COG5: variants seen among roughly 807,000 people sequenced by gnomAD.
COG5 encodes the protein conserved oligomeric Golgi complex subunit 5.
Under a neutral mutation model 110.4 loss-of-function variants are expected in COG5, and 86 were observed. That is an observed-to-expected ratio of 0.78 (90% confidence interval 0.65 to 0.93). The LOEUF is 0.93. Ranked by LOEUF, COG5 falls within the 40% of genes least tolerant of loss-of-function variation. The pLI, the probability that COG5 is intolerant of heterozygous loss-of-function variation, is 0.00. For synonymous variants in COG5, 360 were observed against 334.6 expected (o/e 1.08, Z -0.83); for missense variants, 1,077 against 987.0 (o/e 1.09, Z -1.22).
intron 16 of COG5, among the ~76,000 whole-genome samples, chr7:107,249,230 T>C (rs1310655821): frequency 6.6e-6 from 1 of 152,088 alleles, no homozygotes; most frequent in African/African-American, 2.4e-5. Flanking sequence ...CAGGAAACAT[T>C]TGGTATTGCT....
At chr7:107,375,406 G>A (rs1409386084) in intron 7 of COG5, among the ~76,000 whole-genome samples, 2 of 151,940 alleles carry the variant, frequency 1.3e-5, no homozygotes, top group African/African-American at 2.4e-5. Flanking sequence ...AATCATATTA[G>A]TACACTTAGA....
At chr7:107,336,172 A>G (rs1810681776) in intron 10 of COG5, among the ~76,000 whole-genome samples, 1 of 152,220 alleles carries the variant, frequency 6.6e-6, no homozygotes, top group Admixed American at 6.5e-5. Flanking sequence ...CCATCAAGGG[A>G]TAAATAAAAT....
chr7:107,401,890 G>C (rs1182078751), intron 7 of COG5, among the ~76,000 whole-genome samples: 3 of 152,138 alleles, frequency 2.0e-5, no homozygotes, highest in Non-Finnish European at 2.9e-5. Context: ...AACTACAAAA[G>C]GAATCACTGT....
At chr7:107,258,927 A>G (rs1027151649) in intron 14 of COG5, among the ~76,000 whole-genome samples, 8 of 152,108 alleles carry the variant, frequency 5.3e-5, no homozygotes, top group African/African-American at 1.9e-4. Flanking sequence ...ATCCTAATAC[A>G]CTAATGAAAT....
intron 12 of COG5, among the ~76,000 whole-genome samples, chr7:107,294,615 C>G (rs1427866351): frequency 6.6e-6 from 1 of 151,930 alleles, no homozygotes; most frequent in Non-Finnish European, 1.5e-5. Context: ...TTCCTTTCCT[C>G]TCTGATCCAA....
At chr7:107,427,412 T>C (rs1793714230) in intron 6 of COG5, among the ~76,000 whole-genome samples, 1 of 152,150 alleles carries the variant, frequency 6.6e-6, no homozygotes, top group Admixed American at 6.5e-5. Flanking sequence ...ACAAATTATT[T>C]CACAACTTGA....
At chr7:107,393,043 T>C (rs1026814786) in intron 7 of COG5, among the ~76,000 whole-genome samples, 1 of 152,226 alleles carries the variant, frequency 6.6e-6, no homozygotes, top group African/African-American at 2.4e-5. Context: ...AATCAACTTC[T>C]TGCCTCGCAT....
chr7:107,512,242 T>C (rs1799573383), intron 6 of COG5, among the ~76,000 whole-genome samples: 4 of 152,180 alleles, frequency 2.6e-5, no homozygotes, highest in Admixed American at 2.6e-4. Flanking sequence ...AGCATCCTTA[T>C]ACACCAATAA....
At chr7:107,379,709 T>C (rs1442311982) in intron 7 of COG5, among the ~76,000 whole-genome samples, 1 of 151,686 alleles carries the variant, frequency 6.6e-6, no homozygotes, top group Non-Finnish European at 1.5e-5. Context: ...GGTAAAGGGA[T>C]TAATGCAACA....
intron 7 of COG5, among the ~76,000 whole-genome samples, chr7:107,410,649 T>C (rs1408677287): frequency 6.6e-6 from 1 of 152,024 alleles, no homozygotes; most frequent in Admixed American, 6.6e-5. Context: ...TCCATGTTGG[T>C]TAGGCTGGTC....
chr7:107,279,932 C>G (rs770449493), intron 14 of COG5, among the ~76,000 whole-genome samples: 16 of 152,104 alleles, frequency 1.1e-4, no homozygotes, highest in African/African-American at 2.2e-4. Flanking sequence ...TTTGCCATTA[C>G]TATGTTAACT....
chr7:107,461,458 C>T (rs1344877066), intron 6 of COG5, among the ~76,000 whole-genome samples: 3 of 152,036 alleles, frequency 2.0e-5, no homozygotes, highest in Admixed American at 1.3e-4. Flanking sequence ...AAACCGTATA[C>T]CTAGCATCAA....
At chr7:107,299,123 T>C (rs909959860) in intron 11 of COG5, among the ~76,000 whole-genome samples, 2 of 151,800 alleles carry the variant, frequency 1.3e-5, no homozygotes, top group African/African-American at 4.8e-5. Flanking sequence ...TTTAAGAATA[T>C]GGAAAAAGAA....
intron 2 of COG5, among the ~76,000 whole-genome samples, chr7:107,555,267 A>G (rs776502414): frequency 3.9e-5 from 6 of 152,248 alleles, no homozygotes; most frequent in Non-Finnish European, 7.3e-5. Flanking sequence ...ACATTCCTAG[A>G]AACATCACAA....
intron 11 of COG5, among the ~76,000 whole-genome samples, chr7:107,310,634 TTAAAAAC>T (rs1416346075): frequency 6.6e-6 from 1 of 152,276 alleles, no homozygotes; most frequent in Non-Finnish European, 1.5e-5. Flanking sequence ...AGGACAGTTC[TTAAAAAC>T]TAAAAACTGA....
intron 17 of COG5, among the ~76,000 whole-genome samples, chr7:107,238,842 G>C (rs1300317945): frequency 1.3e-5 from 2 of 152,060 alleles, no homozygotes; most frequent in Non-Finnish European, 1.5e-5. Flanking sequence ...TTTAAATCAG[G>C]TTGTTTTCTT....
intron 6 of COG5, among the ~76,000 whole-genome samples, chr7:107,513,435 T>G (rs2129145992): frequency 6.6e-6 from 1 of 152,252 alleles, no homozygotes; most frequent in Non-Finnish European, 1.5e-5. Flanking sequence ...TAGCAACACT[T>G]TTACACTGTT....
At chr7:107,405,894 G>A (rs1791797871) in intron 7 of COG5, among the ~76,000 whole-genome samples, 1 of 152,136 alleles carries the variant, frequency 6.6e-6, no homozygotes, top group Non-Finnish European at 1.5e-5. Flanking sequence ...CATCAAGAGG[G>A]CATCATTTGT....
chr7:107,446,477 T>C (rs933115461), intron 6 of COG5, among the ~76,000 whole-genome samples: 9 of 152,192 alleles, frequency 5.9e-5, no homozygotes, highest in African/African-American at 2.2e-4. Flanking sequence ...GTCCTGGTAA[T>C]CACATTCCTC....
Sources: allele counts gnomAD v4.1 joint callset (sites outside exome capture counted in the v4.1 genomes callset), GRCh38; gene constraint gnomAD v4.1.1; transcripts MANE v1.5; gene names NCBI Gene and HGNC (gene_info 2026-07-23, HGNC 2026-07-21).